LGR5: variants seen among roughly 807,000 people sequenced by gnomAD.
LGR5 encodes the protein leucine rich repeat containing G protein-coupled receptor 5.
In LGR5, 54 loss-of-function variants were observed where a neutral mutation model predicts 76.7. The observed-to-expected ratio is 0.70, with a 90% CI of 0.57 to 0.88. The LOEUF (loss-of-function observed/expected upper bound fraction) is 0.88, where lower values mean the gene tolerates loss of function less well. LGR5 is among the 40% of genes least tolerant of loss of function. LGR5 has a pLI of 0.00. For missense variants in LGR5, 1,078 were observed against 1,073.3 expected (o/e 1.00, Z -0.06); for synonymous variants, 406 against 421.9 (o/e 0.96, Z 0.46).
intron 1 of LGR5, among the ~76,000 whole-genome samples, chr12:71,442,700 G>A (rs568215072): frequency 6.6e-6 from 1 of 152,142 alleles, no homozygotes; most frequent in South Asian, 2.1e-4. Context: ...AGGTATTGAG[G>A]GTTTGGGGGC....
chr12:71,560,576 G>A lies in LGR5; in HGVS notation c.785+922G>A, dbSNP rs527322831. On this transcript the variant is annotated intron_variant, in intron 7 of 17. Transcript: ENST00000266674. ...GGAGGCCGAGGCAGGCAGATTACTC[G>A]AGGCCAGGAGTTCGAGACCAGCCTG... Among the ~76,000 whole-genome samples, 31 of 152,266 alleles carry A rather than the reference G, an allele frequency of 2.0e-4. No individual in the cohort carries two copies. The South Asian group carries it at 3.5e-3, about 17-fold the overall frequency.
intron 1 of LGR5, among the ~76,000 whole-genome samples, chr12:71,467,186 T>C (rs1872901132): frequency 6.6e-6 from 1 of 152,118 alleles, no homozygotes; most frequent in Non-Finnish European, 1.5e-5. Context: ...AGTGAGGGGA[T>C]TTGAAAAGAG....
rs925865326 is a variant in LGR5 at position 71,440,975 on chromosome 12, C to T, written c.212+683C>T. On this transcript the variant is annotated intron_variant, in intron 1 of 17. Coordinates refer to ENST00000266674, the MANE Select transcript of LGR5 (RefSeq NM_003667.4). This position sits in a 1 kb window ranked among gnomAD's most constrained non-coding sequence, Gnocchi z 5.3. ...TCTTTACCTTTGGCTGCCCGCGCCG[C>T]CCTTTGAAGTGCCCGCGGCCGCTGT... 6.6e-6 allele frequency among the ~76,000 whole-genome samples: 1 copy of T among 152,170 alleles called. No individual in the cohort carries two copies. Among genetic ancestry groups the T allele is most frequent in the African/African-American group, 2.4e-5 (1 of 41,444 alleles).
rs190207371 is a variant in LGR5, at chr12:71,496,109, C to A, written c.213-8505C>A. On this transcript the variant is annotated intron_variant, in intron 1 of 17. Transcript: ENST00000266674. Reference sequence around the variant, plus strand: ...GAAAAAAGCCAGGCAAGGTGGCTCACGCCTGTAATCCCAGCACTTTGGGAG... The same window carrying A: ...GAAAAAAGCCAGGCAAGGTGGCTCAAGCCTGTAATCCCAGCACTTTGGGAG... 1.5e-3 allele frequency among the ~76,000 whole-genome samples: 231 copies of A among 152,264 alleles called. 2 individuals carry two copies. The highest frequency in any genetic ancestry group is 5.4e-3 in the African/African-American group (225 of 41,554).
chr12:71,509,820 A>T (rs1313967461), intron 2 of LGR5, among the ~76,000 whole-genome samples: 4 of 152,166 alleles, frequency 2.6e-5, no homozygotes, highest in Non-Finnish European at 5.9e-5. Flanking sequence ...AAGAAACATG[A>T]GAAGCTCTAG....
At position 71,571,562 on chromosome 12, in the gene LGR5, C is replaced by T. The variant is rs372395411; in HGVS notation, c.1119C>T (p.Cys373=). The T allele has an allele frequency of 6.5e-5, 105 of 1,611,288 alleles. No individual in the cohort carries two copies. The highest frequency in any genetic ancestry group is 8.8e-5 in the Non-Finnish European group (104 of 1,178,040). The change falls in exon 12 of 18, where the codon TGC becomes TGT. Residue 373 remains cysteine (C), a synonymous_variant. Coordinates refer to ENST00000266674, the MANE Select transcript of LGR5 (RefSeq NM_003667.4). ...AAGATTTACCCAGTTTTTCAGTCTG[C>T]CAAAAGCTTCAGAAAATGTAAGTCT... is the stretch of plus-strand genomic sequence containing the variant. ...LLEDLPSFSV[C]QKLQKIDLRH... is the part of the protein sequence containing the mutation.
intron 5 of LGR5, 46 bp from the exon 6 acceptor site, chr12:71,556,573 G>C: frequency 8.6e-7 from 1 of 1,160,968 alleles, no homozygotes; most frequent in Non-Finnish European, 1.3e-6. Flanking sequence ...GTTAAGTGTG[G>C]TCTGTGCAGT....
intron 1 of LGR5, among the ~76,000 whole-genome samples, chr12:71,490,665 A>G (rs1874028514): frequency 6.6e-6 from 1 of 152,286 alleles, no homozygotes; most frequent in Non-Finnish European, 1.5e-5. Flanking sequence ...GACAACTTGA[A>G]TATGCTCTGG....
intron 11 of LGR5, among the ~76,000 whole-genome samples, chr12:71,571,078 CA>C (rs1468338527): frequency 6.6e-6 from 1 of 152,108 alleles, no homozygotes; most frequent in African/African-American, 2.4e-5. Flanking sequence ...TGATTGATTT[CA>C]AAGCTCCTGC....
Position 71,553,224 on chromosome 12 carries a change from G to A in LGR5, c.580G>A (p.Ala194Thr), listed in dbSNP as rs1877583479. The change falls in exon 5 of 18, where the codon GCC becomes ACC. Residue 194 changes from alanine to threonine, a missense_variant. Ala to Thr is a moderately conservative substitution (Grantham distance 58, BLOSUM62 0). Coordinates refer to ENST00000266674, the MANE Select transcript of LGR5 (RefSeq NM_003667.4). ...SLSALQAMTL[A>T]LNKIHHIPDY... ...ATCGGCATTGCAAGCCATGACCTTGGCCCTGAACAAAATACACCACATACC... is the reference window on the plus strand; with the variant it reads ...ATCGGCATTGCAAGCCATGACCTTGACCCTGAACAAAATACACCACATACC... 6.2e-7 allele frequency: 1 copy of A among 1,613,858 alleles called. No individual in the cohort carries two copies. Among genetic ancestry groups the A allele is most frequent in the Non-Finnish European group, 8.5e-7 (1 of 1,179,980 alleles).
At chr12:71,445,655 T>C (rs909074394) in intron 1 of LGR5, among the ~76,000 whole-genome samples, 1 of 152,234 alleles carries the variant, frequency 6.6e-6, no homozygotes, top group Non-Finnish European at 1.5e-5. Context: ...TGTGGCATTT[T>C]TCTGTTTAAT....
chr12:71,572,979 C>T, intron 13 of LGR5, 58 bp downstream of exon 13: 3 of 1,260,206 alleles, frequency 2.4e-6, no homozygotes, highest in Non-Finnish European at 2.3e-6. Context: ...CTCTTTGGGG[C>T]CTTCCCCTAA....
chr12:71,545,992 T>C (rs1290257), intron 4 of LGR5, among the ~76,000 whole-genome samples: 136,133 of 152,094 alleles, frequency 0.9, 61,802 homozygotes, highest in East Asian at 1. Context: ...ACAAAGAAAA[T>C]GAGCTTATTT....
At chr12:71,540,818 AAAG>A (rs1226595778) in intron 4 of LGR5, among the ~76,000 whole-genome samples, 1 of 152,170 alleles carries the variant, frequency 6.6e-6, no homozygotes, top group Non-Finnish European at 1.5e-5. Context: ...AGACCAAAAG[AAAG>A]AAGATGAGGT....
chr12:71,519,259 TG>T (rs1287352727), intron 2 of LGR5, among the ~76,000 whole-genome samples: 1 of 152,204 alleles, frequency 6.6e-6, no homozygotes, highest in East Asian at 1.9e-4. Flanking sequence ...AGGCATCTGC[TG>T]AAATGCCTAC....
At chr12:71,562,323 G>A (rs942135080) in intron 8 of LGR5, among the ~76,000 whole-genome samples, 1 of 152,104 alleles carries the variant, frequency 6.6e-6, no homozygotes, top group Non-Finnish European at 1.5e-5. Flanking sequence ...TCATTATTAT[G>A]CCCAAACATT....
intron 1 of LGR5, among the ~76,000 whole-genome samples, chr12:71,485,202 G>T (rs1305379975): frequency 6.6e-6 from 1 of 152,128 alleles, no homozygotes; most frequent in Non-Finnish European, 1.5e-5. Flanking sequence ...TAGCAAATAT[G>T]TAGTGTTTAT....
intron 2 of LGR5, among the ~76,000 whole-genome samples, chr12:71,508,062 C>CAAA (rs61662758): frequency 8.7e-6 from 1 of 114,914 alleles, no homozygotes. Context: ...TACTAAAATA[C>CAAA]AAAAAAAAAA....
intron 4 of LGR5, among the ~76,000 whole-genome samples, chr12:71,549,312 A>C (rs1441797655): frequency 6.6e-6 from 1 of 151,896 alleles, no homozygotes; most frequent in East Asian, 1.9e-4. Flanking sequence ...TTGAGTGGGG[A>C]GATGTTGGAG....
Sources: gnomAD v4.1 joint callset for allele counts (sites outside exome capture counted in the v4.1 genomes callset) on GRCh38, gnomAD v4.1.1 for gene constraint, Gnocchi (gnomAD v3.1) non-coding constraint, MANE v1.5 for transcripts, NCBI Gene and HGNC (gene_info 2026-07-23, HGNC 2026-07-21) for gene names.